Variants in KLHL4 observed in about 807,000 individuals in gnomAD.
KLHL4 encodes kelch-like protein 4.
In KLHL4, 17 loss-of-function variants were observed where a neutral mutation model predicts 45.8. The observed-to-expected ratio is 0.37, with a 90% CI of 0.25 to 0.56. The LOEUF (loss-of-function observed/expected upper bound fraction) is 0.56. Ranked by LOEUF, KLHL4 falls within the 20% of genes least tolerant of loss-of-function variation. The pLI is 0.79. For missense variants in KLHL4, 544 were observed against 544.9 expected (o/e 1.00, Z 0.02); for synonymous variants, 224 against 189.9 (o/e 1.18, Z -1.47).
intron 1 of KLHL4, among the ~76,000 whole-genome samples, chrX:87,564,877 G>C (rs933566263): frequency 5.3e-4 from 59 of 111,739 alleles, no homozygotes; most frequent in African/African-American, 1.7e-3. Context: ...CTTCTGAAGT[G>C]CACATGGAAT....
chrX:87,520,950 A>G (rs181714516), intron 1 of KLHL4, among the ~76,000 whole-genome samples: 2 of 112,195 alleles, frequency 1.8e-5, no homozygotes, highest in Admixed American at 1.9e-4. Flanking sequence ...AACATGAAAA[A>G]TCATGCTTAC....
intron 1 of KLHL4, among the ~76,000 whole-genome samples, chrX:87,545,597 A>G (rs1233969653): frequency 8.9e-6 from 1 of 111,929 alleles, no homozygotes; most frequent in East Asian, 2.8e-4. Context: ...AGTTCCTTGT[A>G]GCAGTGTAAA....
At chrX:87,666,030 G>A (rs777781455) in intron 10 of KLHL4, among the ~76,000 whole-genome samples, 1 of 111,906 alleles carries the variant, frequency 8.9e-6, no homozygotes, top group South Asian at 3.7e-4. Context: ...TCTGAAGATT[G>A]TAGACAAGTA....
chrX:87,524,945 A>G (rs1931078997), intron 1 of KLHL4, among the ~76,000 whole-genome samples: 1 of 111,968 alleles, frequency 8.9e-6, no homozygotes, highest in South Asian at 3.7e-4. Flanking sequence ...TCCAATTGGG[A>G]AAACTGGGTA....
intron 1 of KLHL4, among the ~76,000 whole-genome samples, chrX:87,565,291 A>G (rs1037002412): frequency 6.2e-5 from 7 of 112,180 alleles, no homozygotes; most frequent in African/African-American, 2.3e-4. Context: ...TTGTGCAGAA[A>G]AAGACAGTGG....
chrX:87,658,359 G>T (rs1924060735), intron 9 of KLHL4, among the ~76,000 whole-genome samples: 1 of 111,616 alleles, frequency 9.0e-6, no homozygotes, highest in African/African-American at 3.3e-5. Flanking sequence ...TGCCCATGTG[G>T]CTTACAGATT....
intron 1 of KLHL4, among the ~76,000 whole-genome samples, chrX:87,604,542 A>G (rs940898434): frequency 1.8e-5 from 2 of 110,155 alleles, no homozygotes; most frequent in Admixed American, 9.7e-5. Flanking sequence ...AAACATTTTT[A>G]TATACCAGTT....
Position 87,633,767 on chromosome X carries a change from G to A in KLHL4, c.1568G>A (p.Gly523Glu), listed in dbSNP as rs751098321. The change falls in exon 8 of 11, where the codon GGA (glycine) becomes GAA (glutamate). Residue 523 changes from glycine (G) to glutamate (E), a missense_variant. Coordinates refer to ENST00000373119, the MANE Select transcript of KLHL4 (RefSeq NM_019117.5). ...RHGLGVATLE[G>E]PMYAVGGHDG... Reference sequence around the variant, plus strand: ...TTTTTAGGTGTAGCCACTCTTGAAGGACCAATGTATGCTGTAGGTGGTCAT... The same window carrying A: ...TTTTTAGGTGTAGCCACTCTTGAAGAACCAATGTATGCTGTAGGTGGTCAT... The A allele has an allele frequency of 9.2e-6, 11 of 1,195,197 alleles. No individual in the cohort carries two copies. Among genetic ancestry groups the A allele is most frequent in the Non-Finnish European group, 1.2e-5 (11 of 887,907 alleles).
chrX:87,624,219 G>T (rs1332934515), intron 5 of KLHL4, among the ~76,000 whole-genome samples: 1 of 112,223 alleles, frequency 8.9e-6, no homozygotes, highest in Non-Finnish European at 1.9e-5. Flanking sequence ...TACCGTGGTA[G>T]CCCACCTCTG....
intron 1 of KLHL4, among the ~76,000 whole-genome samples, chrX:87,535,515 G>T (rs1187790649): frequency 9.0e-6 from 1 of 111,446 alleles, no homozygotes; most frequent in Non-Finnish European, 1.9e-5. Context: ...TCCACTCTTT[G>T]CAGAAAATAT....
chrX:87,665,952 A>T (rs1228160172), intron 10 of KLHL4, among the ~76,000 whole-genome samples: 2 of 111,782 alleles, frequency 1.8e-5, no homozygotes, highest in East Asian at 2.8e-4. Context: ...AAGGAAAAAA[A>T]ATATCATGCA....
At chrX:87,616,767 A>T (rs1227298422) in intron 3 of KLHL4, among the ~76,000 whole-genome samples, 1 of 111,901 alleles carries the variant, frequency 8.9e-6, no homozygotes, top group Non-Finnish European at 1.9e-5. Flanking sequence ...TGGAGAATAG[A>T]TCATACTTCT....
At chrX:87,579,195 G>A (rs966023072) in intron 1 of KLHL4, among the ~76,000 whole-genome samples, 1 of 110,349 alleles carries the variant, frequency 9.1e-6, no homozygotes. Context: ...ACCAGAGGGA[G>A]CAAGAGATTA....
At chrX:87,549,052 T>A (rs67558216) in intron 1 of KLHL4, among the ~76,000 whole-genome samples, 24,427 of 108,942 alleles carry the variant, frequency 0.22, 2,072 homozygotes, top group Non-Finnish European at 0.26. Context: ...AAGACACACA[T>A]GGACTGAAAA....
intron 1 of KLHL4, among the ~76,000 whole-genome samples, chrX:87,582,038 C>T (rs1457372794): frequency 8.9e-6 from 1 of 111,881 alleles, no homozygotes; most frequent in African/African-American, 3.3e-5. Flanking sequence ...GAGCTAAAAG[C>T]ACACTATAAG....
intron 1 of KLHL4, among the ~76,000 whole-genome samples, chrX:87,591,326 A>T (rs1032491060): frequency 8.9e-6 from 1 of 112,108 alleles, no homozygotes. Context: ...GCCAATTTTT[A>T]AATGAATAAT....
rs767008100 is a variant in KLHL4, at chrX:87,573,754, G to T, written c.423-40123G>T. ...CTCAATAAAATGTTTCACTATACCT[G>T]ATGATTTGAATACATACTTGGCTGT... On this transcript the variant is annotated intron_variant, in intron 1 of 10. Coordinates refer to ENST00000373119, the MANE Select transcript of KLHL4 (RefSeq NM_019117.5). Among the ~76,000 whole-genome samples the T allele has an allele frequency of 3.6e-5, 4 of 111,636 alleles. No homozygotes were observed. In the South Asian group the frequency reaches 1.5e-3, roughly 41 times the overall value.
intron 9 of KLHL4, among the ~76,000 whole-genome samples, chrX:87,646,684 C>G (rs75377465): frequency 5.4e-5 from 6 of 111,561 alleles, no homozygotes; most frequent in Non-Finnish European, 9.4e-5. Flanking sequence ...GGATAATTGG[C>G]AAGCCACATA....
chrX:87,534,641 T>G, intron 1 of KLHL4, among the ~76,000 whole-genome samples: 1 of 110,076 alleles, frequency 9.1e-6, no homozygotes, highest in South Asian at 3.9e-4. Flanking sequence ...CCTGAAGGAG[T>G]TCATAATAAA....
Sources: gnomAD v4.1 joint callset for allele counts (sites outside exome capture counted in the v4.1 genomes callset) on GRCh38, gnomAD v4.1.1 for gene constraint, MANE v1.5 for transcripts, NCBI Gene and HGNC (gene_info 2026-07-23, HGNC 2026-07-21) for gene names.